TSHZ3: variants seen among roughly 807,000 people sequenced by gnomAD.
TSHZ3 encodes teashirt homolog 3.
TSHZ3 carries 10 observed loss-of-function variants against 64.5 expected under a neutral mutation model. The ratio of observed to expected loss-of-function variants is 0.16; its 90% CI spans 0.10 to 0.26. The LOEUF (loss-of-function observed/expected upper bound fraction) is 0.26, where lower values mean the gene tolerates loss of function less well. Ranked by LOEUF, TSHZ3 falls within the 10% of genes least tolerant of loss-of-function variation. TSHZ3 has a pLI of 1.00. For missense variants in TSHZ3, 1,242 were observed against 1,421.7 expected (o/e 0.87, Z 2.03); for synonymous variants, 608 against 593.1 (o/e 1.03, Z -0.36).
At chr19:31,320,963 AGGTCATCC>A (rs2145166709) in intron 1 of TSHZ3, among the ~76,000 whole-genome samples, 1 of 152,320 alleles carries the variant, frequency 6.6e-6, no homozygotes, top group Admixed American at 6.5e-5. Flanking sequence ...GTGTCAGGAC[AGGTCATCC>A]GGCCCAGAGC....
chr19:31,228,635 G>A (rs1975502542), intron 3 of TSHZ3, among the ~76,000 whole-genome samples: 1 of 152,030 alleles, frequency 6.6e-6, no homozygotes, highest in African/African-American at 2.4e-5. Context: ...AGAAGCTTAG[G>A]GTCAAACTTT....
intron 5 of TSHZ3, among the ~76,000 whole-genome samples, chr19:31,204,030 C>T (rs1027997513): frequency 1.3e-5 from 2 of 152,028 alleles, no homozygotes; most frequent in South Asian, 2.1e-4. Flanking sequence ...TGCAAGAGAG[C>T]GAAGTGCAAG....
intron 5 of TSHZ3, among the ~76,000 whole-genome samples, chr19:31,180,130 G>C (rs776384604): frequency 6.6e-6 from 1 of 152,106 alleles, no homozygotes; most frequent in Admixed American, 6.5e-5. Context: ...AGCTCCTCTA[G>C]GTAAGTTTAG....
At chr19:31,184,408 A>G (rs972718601) in intron 5 of TSHZ3, among the ~76,000 whole-genome samples, 1 of 152,166 alleles carries the variant, frequency 6.6e-6, no homozygotes, top group Non-Finnish European at 1.5e-5. Flanking sequence ...TGTGTGAAAC[A>G]TTTATGGAGA....
At chr19:31,284,067 G>T (rs999514227) in intron 1 of TSHZ3, among the ~76,000 whole-genome samples, 1 of 152,166 alleles carries the variant, frequency 6.6e-6, no homozygotes, top group Middle Eastern at 3.2e-3. Flanking sequence ...AACAGTATTT[G>T]AGAGTATTTA....
intron 1 of TSHZ3, among the ~76,000 whole-genome samples, chr19:31,310,711 C>A (rs1183126570): frequency 6.6e-6 from 1 of 152,216 alleles, no homozygotes; most frequent in Non-Finnish European, 1.5e-5. Flanking sequence ...CACAGCAGGA[C>A]TTGAGCAAGC....
intron 1 of TSHZ3, among the ~76,000 whole-genome samples, chr19:31,249,519 G>GCA (rs112187800): frequency 0.03 from 4,577 of 151,814 alleles, 222 homozygotes; most frequent in African/African-American, 0.1. Context: ...ATGCGCGCCC[G>GCA]CACACACACA....
intron 1 of TSHZ3, among the ~76,000 whole-genome samples, chr19:31,327,214 C>G (rs1916957099): frequency 1.3e-5 from 2 of 152,208 alleles, no homozygotes; most frequent in Admixed American, 6.5e-5. Context: ...TGTGTTCGAC[C>G]AATTCCCTTC....
intron 1 of TSHZ3, among the ~76,000 whole-genome samples, chr19:31,343,881 A>C (rs1917507155): frequency 6.6e-6 from 1 of 152,102 alleles, no homozygotes; most frequent in Admixed American, 6.6e-5. Flanking sequence ...CAAATACTGG[A>C]AACTGGAATT....
chr19:31,304,771 T>C lies in TSHZ3; in HGVS notation c.41-25019A>G, dbSNP rs540825802. ...AGGTAGTTTGTAAAAATTATTTATTTCCATACCAGTTAATTATGATGGGAG... is the reference window on the plus strand; with the variant it reads ...AGGTAGTTTGTAAAAATTATTTATTCCCATACCAGTTAATTATGATGGGAG... On this transcript the variant is annotated intron_variant, in intron 1 of 1. Transcript: ENST00000240587. 2.0e-5 allele frequency among the ~76,000 whole-genome samples: 3 copies of C among 152,324 alleles called. No individual in the cohort carries two copies. The East Asian group carries it at 5.8e-4, about 29-fold the overall frequency.
At chr19:31,340,619 G>A (rs1424699947) in intron 1 of TSHZ3, among the ~76,000 whole-genome samples, 1 of 152,156 alleles carries the variant, frequency 6.6e-6, no homozygotes, top group Non-Finnish European at 1.5e-5. Context: ...ACTTGAGAAG[G>A]ATGTCAGTGC....
chr19:31,200,375 C>T (rs1009170450), intron 5 of TSHZ3, among the ~76,000 whole-genome samples: 2 of 152,086 alleles, frequency 1.3e-5, no homozygotes, highest in Non-Finnish European at 2.9e-5. Context: ...TACATCTTGA[C>T]TTTGGAATAT....
At chr19:31,226,120 C>T (rs1046728638) in intron 4 of TSHZ3, among the ~76,000 whole-genome samples, 6 of 149,852 alleles carry the variant, frequency 4.0e-5, no homozygotes, top group African/African-American at 1.5e-4. Context: ...AGCAAGACTC[C>T]ATCTTAAAAA....
chr19:31,200,718 T>G (rs961259434), intron 5 of TSHZ3, among the ~76,000 whole-genome samples: 10 of 152,028 alleles, frequency 6.6e-5, no homozygotes, highest in African/African-American at 1.9e-4. Context: ...TCATGTAAAA[T>G]ATGGACTCTG....
chr19:31,242,686 T>C (rs1033028234), intron 2 of TSHZ3, among the ~76,000 whole-genome samples: 4 of 151,914 alleles, frequency 2.6e-5, no homozygotes, highest in African/African-American at 7.3e-5. Context: ...AGCAGATGTA[T>C]GTCTGAGGTC....
intron 1 of TSHZ3, chr19:31,308,733 C>A: frequency 5.0e-6 from 2 of 398,672 alleles, no homozygotes; most frequent in East Asian, 7.1e-5. Context: ...AAAACAGGGA[C>A]ACACCGTCTA....
chr19:31,198,438 G>T (rs144188223), intron 5 of TSHZ3, among the ~76,000 whole-genome samples: 83 of 152,108 alleles, frequency 5.5e-4, no homozygotes, highest in African/African-American at 2.0e-3. Context: ...CCTACCTGAT[G>T]CAATAAGACA....
At chr19:31,232,142 C>A (rs898199377) in intron 3 of TSHZ3, among the ~76,000 whole-genome samples, 8 of 152,116 alleles carry the variant, frequency 5.3e-5, no homozygotes, top group African/African-American at 1.9e-4. Flanking sequence ...GGGGGAGCGT[C>A]TGTAAGATGC....
chr19:31,178,543 G>C (rs373727884), intron 5 of TSHZ3, among the ~76,000 whole-genome samples: 39 of 152,302 alleles, frequency 2.6e-4, no homozygotes, highest in African/African-American at 8.9e-4. Context: ...GCCGGGCGTG[G>C]TGGCACATGC....
Sources: gnomAD v4.1 joint callset for allele counts (sites outside exome capture counted in the v4.1 genomes callset) on GRCh38, gnomAD v4.1.1 for gene constraint, MANE v1.5 for transcripts, NCBI Gene and HGNC (gene_info 2026-07-23, HGNC 2026-07-21) for gene names.